CLVS1: variants seen among roughly 807,000 people sequenced by gnomAD.
CLVS1 encodes clavesin 1.
CLVS1 carries 10 observed loss-of-function variants against 33.1 expected under a neutral mutation model. The ratio of observed to expected loss-of-function variants is 0.30; its 90% confidence interval spans 0.19 to 0.51. The LOEUF (loss-of-function observed/expected upper bound fraction) is 0.51, where lower values mean the gene tolerates loss of function less well. CLVS1 is among the 20% of genes least tolerant of loss of function. The pLI, the probability that CLVS1 is intolerant of heterozygous loss-of-function variation, is 0.97. For missense variants in CLVS1, 343 were observed against 433.4 expected, an observed-to-expected ratio of 0.79 and a Z score of 1.85; for synonymous variants, 163 against 166.1, an observed-to-expected ratio of 0.98 and a Z score of 0.14.
At chr8:61,068,215 A>ATG (rs756448040) in intron 1 of CLVS1, among the ~76,000 whole-genome samples, 1 of 106,164 alleles carries the variant, frequency 9.4e-6, no homozygotes, top group African/African-American at 5.5e-5. Flanking sequence ...ATATATATAT[A>ATG]TATGTATGTA....
At chr8:61,114,892 T>A (rs1805689882) in intron 1 of CLVS1, among the ~76,000 whole-genome samples, 2 of 152,208 alleles carry the variant, frequency 1.3e-5, no homozygotes, top group South Asian at 4.1e-4. Context: ...AAGCTTCCAG[T>A]GTCTTCATGT....
intron 3 of CLVS1, among the ~76,000 whole-genome samples, chr8:61,453,544 C>T (rs991529036): frequency 6.6e-6 from 1 of 152,130 alleles, no homozygotes; most frequent in Non-Finnish European, 1.5e-5. Flanking sequence ...ACTATGTGCC[C>T]CAGGGTGCAC....
chr8:61,423,652 C>A lies in CLVS1; in HGVS notation c.631-30489C>A, dbSNP rs143656767. 4.0e-3 allele frequency among the ~76,000 whole-genome samples: 613 copies of A among 152,232 alleles called. 3 individuals carry two copies. The highest frequency in any genetic ancestry group is 0.014 in the African/African-American group (570 of 41,534). ...CAAAAAATAAGTGTACAAGTATAAA[C>A]CTGTATGGAAAAATTGAAAATGTTA... On this transcript the variant is annotated intron_variant, in intron 3 of 5. Transcript: ENST00000325897.
At chr8:60,991,744 CTTTTTTT>C in the CLVS1 span, among the ~76,000 whole-genome samples, 3 of 118,970 alleles carry the variant, frequency 2.5e-5, no homozygotes, top group Non-Finnish European at 3.4e-5. Flanking sequence ...AAGCCCCACT[CTTTTTTT>C]TTTTTTTTTT....
At chr8:61,172,537 C>T (rs1024419400) in intron 2 of CLVS1, among the ~76,000 whole-genome samples, 2 of 151,888 alleles carry the variant, frequency 1.3e-5, no homozygotes, top group Non-Finnish European at 2.9e-5. Context: ...ATGAACAATT[C>T]AAGAGTTTTA....
the CLVS1 span, among the ~76,000 whole-genome samples, chr8:60,981,836 C>T: frequency 6.6e-5 from 10 of 152,186 alleles, no homozygotes; most frequent in South Asian, 2.1e-4. Context: ...TGTGCAAGAG[C>T]GGGACCCCTC....
chr8:61,495,186 T>G (rs578098652), intron 5 of CLVS1, among the ~76,000 whole-genome samples: 1 of 152,306 alleles, frequency 6.6e-6, no homozygotes, highest in East Asian at 1.9e-4. Flanking sequence ...AAAGATAATT[T>G]TTTTCTTCAT....
intron 2 of CLVS1, among the ~76,000 whole-genome samples, chr8:61,339,887 G>A (rs962551191): frequency 2.0e-5 from 3 of 150,194 alleles, no homozygotes; most frequent in Admixed American, 6.6e-5. Flanking sequence ...AAGAGAAGGA[G>A]GGAGGGAGAA....
intron 2 of CLVS1, among the ~76,000 whole-genome samples, chr8:61,166,144 T>C (rs1185574446): frequency 1.3e-5 from 2 of 151,908 alleles, no homozygotes; most frequent in African/African-American, 4.8e-5. Context: ...TTTTTTTTTT[T>C]TGAGACAGAG....
chr8:61,248,610 G>A (rs897256732), intron 2 of CLVS1, among the ~76,000 whole-genome samples: 1 of 151,104 alleles, frequency 6.6e-6, no homozygotes, highest in South Asian at 2.1e-4. Context: ...ACTTTTTTGA[G>A]ATTTTGAATA....
intron 3 of CLVS1, among the ~76,000 whole-genome samples, chr8:61,427,921 A>G (rs1336139426): frequency 2.6e-5 from 4 of 152,182 alleles, no homozygotes; most frequent in East Asian, 1.9e-4. Context: ...ACATTCATCA[A>G]TGTTCCTTCC....
chr8:61,030,308 G>T, the CLVS1 span, among the ~76,000 whole-genome samples: 1 of 151,764 alleles, frequency 6.6e-6, no homozygotes. Context: ...TGGCAGCGGG[G>T]TGGGGGGGCG....
At chr8:61,352,718 C>T (rs1207397343) in intron 2 of CLVS1, among the ~76,000 whole-genome samples, 1 of 151,950 alleles carries the variant, frequency 6.6e-6, no homozygotes, top group Non-Finnish European at 1.5e-5. Context: ...AGTCAGCCCT[C>T]CATGGGTTCT....
At chr8:61,081,330 T>C (rs1233032052) in intron 1 of CLVS1, among the ~76,000 whole-genome samples, 1 of 152,146 alleles carries the variant, frequency 6.6e-6, no homozygotes, top group Non-Finnish European at 1.5e-5. Context: ...TGGCAATCAA[T>C]TGGGTGCAAC....
chr8:61,408,161 T>C (rs1815065520), intron 3 of CLVS1, among the ~76,000 whole-genome samples: 1 of 152,112 alleles, frequency 6.6e-6, no homozygotes, highest in South Asian at 2.1e-4. Context: ...CAATAAATGA[T>C]AAACAAGTAA....
intron 5 of CLVS1, among the ~76,000 whole-genome samples, chr8:61,483,015 C>G (rs1276361095): frequency 6.6e-6 from 1 of 151,988 alleles, no homozygotes; most frequent in African/African-American, 2.4e-5. Flanking sequence ...GACATCCTAA[C>G]ATCACAATTA....
At chr8:60,984,837 A>G in the CLVS1 span, among the ~76,000 whole-genome samples, 59 of 152,264 alleles carry the variant, frequency 3.9e-4, no homozygotes, top group Middle Eastern at 6.8e-3. Flanking sequence ...AACTTCCCCT[A>G]GGTCACAGCT....
rs184876311 is a variant in CLVS1 at position 61,226,434 on chromosome 8, A to G, written c.-151-73243A>G. 4.5e-4 allele frequency among the ~76,000 whole-genome samples: 68 copies of G among 152,372 alleles called. No homozygotes were observed. In the East Asian group the frequency reaches 8.7e-3, roughly 19 times the overall value. Reference sequence around the variant, plus strand: ...AATGAAATTTTTTTAAAAAATTAAAACAAACTTTTCAGACACTAAAAGTTT... The same window carrying G: ...AATGAAATTTTTTTAAAAAATTAAAGCAAACTTTTCAGACACTAAAAGTTT... On this transcript the variant is annotated intron_variant, in intron 2 of 2. Coordinates refer to the CLVS1 transcript ENST00000522621.
chr8:61,235,037 G>C (rs1808526559), intron 2 of CLVS1, among the ~76,000 whole-genome samples: 1 of 152,158 alleles, frequency 6.6e-6, no homozygotes, highest in African/African-American at 2.4e-5. Context: ...TGGTCTAACT[G>C]CAGCTCACAG....
Sources: allele counts gnomAD v4.1 joint callset (sites outside exome capture counted in the v4.1 genomes callset), GRCh38; gene constraint gnomAD v4.1.1; transcripts MANE v1.5; gene names NCBI Gene and HGNC (gene_info 2026-07-23, HGNC 2026-07-21).